The following CSMD1 variants were observed in gnomAD, a reference collection of about 807,000 sequenced individuals.
CSMD1 encodes CUB and sushi domain-containing protein 1.
Under a neutral mutation model 417.5 loss-of-function variants are expected in CSMD1, and 213 were observed. The ratio of observed to expected loss-of-function variants is 0.51; its 90% CI spans 0.46 to 0.57. The LOEUF (loss-of-function observed/expected upper bound fraction) is 0.57, where lower values mean the gene tolerates loss of function less well. Ranked by LOEUF, CSMD1 falls within the 20% of genes least tolerant of loss-of-function variation. The pLI, the probability that CSMD1 is intolerant of heterozygous loss-of-function variation, is 0.00. For synonymous variants in CSMD1, 2,862 were observed against 1,736.8 expected (o/e 1.65, Z -16.11); for missense variants, 6,923 against 4,529.7 (o/e 1.53, Z -15.17).
chr8:4,837,988 C>A (rs552218181), intron 1 of CSMD1, among the ~76,000 whole-genome samples: 12 of 152,274 alleles, frequency 7.9e-5, no homozygotes, highest in Admixed American at 7.2e-4. Flanking sequence ...CAGCAGGGGG[C>A]AGCAGCTCCA....
At chr8:4,345,226 T>C (rs902187775) in intron 3 of CSMD1, among the ~76,000 whole-genome samples, 7 of 152,160 alleles carry the variant, frequency 4.6e-5, no homozygotes, top group Non-Finnish European at 1.0e-4. Context: ...TTAGCAGCTA[T>C]TGCGGTTTGG....
At chr8:4,943,913 G>A (rs1808196190) in intron 1 of CSMD1, among the ~76,000 whole-genome samples, 1 of 152,222 alleles carries the variant, frequency 6.6e-6, no homozygotes, top group Admixed American at 6.5e-5. Flanking sequence ...TGCGGTGATG[G>A]AGGGCCGAGC....
At chr8:4,433,635 C>T (rs771670850) in intron 2 of CSMD1, among the ~76,000 whole-genome samples, 1 of 152,170 alleles carries the variant, frequency 6.6e-6, no homozygotes, top group Non-Finnish European at 1.5e-5. Flanking sequence ...TTTCTTTATG[C>T]TCAAATCTGC....
chr8:3,392,338 C>A (rs902178834), intron 17 of CSMD1, among the ~76,000 whole-genome samples: 1 of 152,112 alleles, frequency 6.6e-6, no homozygotes, highest in African/African-American at 2.4e-5. Context: ...AACCCACTTT[C>A]AAAGAATGTG....
chr8:4,001,582 G>A (rs1450037057), intron 4 of CSMD1, among the ~76,000 whole-genome samples: 1 of 152,124 alleles, frequency 6.6e-6, no homozygotes, highest in African/African-American at 2.4e-5. Context: ...AATGCCAGTG[G>A]CTGAGCTGGA....
chr8:4,448,670 C>T (rs565558924), intron 2 of CSMD1, among the ~76,000 whole-genome samples: 3 of 152,274 alleles, frequency 2.0e-5, no homozygotes, highest in East Asian at 3.9e-4. Flanking sequence ...ATCTGACTTT[C>T]TTCTCAGTAG....
intron 1 of CSMD1, among the ~76,000 whole-genome samples, chr8:4,981,864 C>G (rs1810907530): frequency 6.6e-6 from 1 of 152,088 alleles, no homozygotes; most frequent in Non-Finnish European, 1.5e-5. Flanking sequence ...TTGTAGCACT[C>G]AACTGTGGAG....
Position 3,762,301 on chromosome 8 carries a change from C to T in CSMD1, c.819-8259G>A, listed in dbSNP as rs145241801. On this transcript the variant is annotated intron_variant, in intron 5 of 69. Transcript: ENST00000635120. The stretch of plus-strand genomic sequence containing the variant: ...TGCCCTGCATCCCACCTACTCTGCA[C>T]CTGCCTGGTCGTTTCTGGCTCTCCT... Among the ~76,000 whole-genome samples, 91 of 152,256 alleles carry T rather than the reference C, an allele frequency of 6.0e-4. No individual in the cohort carries two copies. In the East Asian group the frequency reaches 0.015, roughly 25 times the overall value.
At chr8:4,813,381 C>G (rs1799016773) in intron 1 of CSMD1, among the ~76,000 whole-genome samples, 1 of 152,094 alleles carries the variant, frequency 6.6e-6, no homozygotes, top group African/African-American at 2.4e-5. Flanking sequence ...AAGCTGCCAC[C>G]AAGCCCATCT....
intron 5 of CSMD1, among the ~76,000 whole-genome samples, chr8:3,787,723 G>T (rs531584240): frequency 1.3e-5 from 2 of 152,254 alleles, no homozygotes; most frequent in South Asian, 4.1e-4. Flanking sequence ...CATTACATTT[G>T]TAAGAAAAAC....
chr8:4,569,933 GCTCT>G (rs1798803397), intron 2 of CSMD1, among the ~76,000 whole-genome samples: 4 of 151,986 alleles, frequency 2.6e-5, no homozygotes, highest in East Asian at 1.9e-4. Context: ...TTATGATTTG[GCTCT>G]CTGTCTATTG....
intron 1 of CSMD1, among the ~76,000 whole-genome samples, chr8:4,924,348 G>C (rs57786616): frequency 0.2 from 30,284 of 151,978 alleles, 4,254 homozygotes; most frequent in African/African-American, 0.4. Context: ...TCAAGAATTT[G>C]AACGTTTTCT....
At chr8:4,368,779 T>C (rs1802237245) in intron 3 of CSMD1, among the ~76,000 whole-genome samples, 1 of 152,174 alleles carries the variant, frequency 6.6e-6, no homozygotes, top group African/African-American at 2.4e-5. Flanking sequence ...TCTCAGGATT[T>C]TTTGTATTTC....
chr8:3,588,833 G>C (rs1239352235), intron 8 of CSMD1, among the ~76,000 whole-genome samples: 3 of 152,102 alleles, frequency 2.0e-5, no homozygotes, highest in South Asian at 2.1e-4. Flanking sequence ...CAAAATACCT[G>C]CTAATGCGTT....
At chr8:4,671,804 T>C (rs1235752337) in intron 1 of CSMD1, among the ~76,000 whole-genome samples, 1 of 152,168 alleles carries the variant, frequency 6.6e-6, no homozygotes, top group African/African-American at 2.4e-5. Flanking sequence ...GCTCTCAGCC[T>C]GAAGGAGCCA....
At chr8:3,008,094 C>T (rs145475998) in intron 52 of CSMD1, among the ~76,000 whole-genome samples, 76 of 152,220 alleles carry the variant, frequency 5.0e-4, no homozygotes, top group African/African-American at 1.7e-3. Flanking sequence ...GAACAAAGCA[C>T]AGAGACTGGT....
chr8:4,162,448 G>C (rs1797228964), intron 3 of CSMD1, among the ~76,000 whole-genome samples: 1 of 152,146 alleles, frequency 6.6e-6, no homozygotes, highest in Non-Finnish European at 1.5e-5. Context: ...GAATAGAGGT[G>C]AATTCAAGAC....
chr8:4,222,654 G>A (rs1342950169), intron 3 of CSMD1, among the ~76,000 whole-genome samples: 1 of 152,124 alleles, frequency 6.6e-6, no homozygotes, highest in Non-Finnish European at 1.5e-5. Flanking sequence ...TCAATGTGAC[G>A]GCAGATGCCA....
At chr8:3,934,505 G>A (rs1044892232) in intron 5 of CSMD1, among the ~76,000 whole-genome samples, 12 of 152,236 alleles carry the variant, frequency 7.9e-5, no homozygotes, top group Middle Eastern at 3.4e-3. Flanking sequence ...TGAAGGAAAG[G>A]TAATGAGGCC....
Sources: gnomAD v4.1 joint callset for allele counts (sites outside exome capture counted in the v4.1 genomes callset) on GRCh38, gnomAD v4.1.1 for gene constraint, MANE v1.5 for transcripts, NCBI Gene and HGNC (gene_info 2026-07-23, HGNC 2026-07-21) for gene names.